PPM1H: variants seen among roughly 807,000 people sequenced by gnomAD.
The protein encoded by PPM1H is protein phosphatase 1H.
In PPM1H, 27 loss-of-function variants were observed where a neutral mutation model predicts 54.9. That is an observed-to-expected ratio of 0.49 (90% CI 0.36 to 0.68). The LOEUF (loss-of-function observed/expected upper bound fraction) is 0.68, where lower values mean the gene tolerates loss of function less well. Among genes scored for constraint, PPM1H ranks in the 30% least tolerant of loss-of-function variants. The probability of loss-of-function intolerance (pLI) is 0.00; values close to 1 mark genes in which losing one functional copy is unlikely to be tolerated. For synonymous variants in PPM1H, 305 were observed against 270.8 expected, an observed-to-expected ratio of 1.13 and a Z score of -1.24; for missense variants, 596 against 667.8, an observed-to-expected ratio of 0.89 and a Z score of 1.19.
chr12:62,933,314 T>G (rs1872208064), intron 1 of PPM1H, among the ~76,000 whole-genome samples: 1 of 152,050 alleles, frequency 6.6e-6, no homozygotes, highest in Non-Finnish European at 1.5e-5. Flanking sequence ...AAGCAGTCTC[T>G]CCCACCGGAA....
At chr12:62,699,687 TCTC>T (rs1182041697) in intron 6 of PPM1H, among the ~76,000 whole-genome samples, 1 of 152,154 alleles carries the variant, frequency 6.6e-6, no homozygotes, top group Non-Finnish European at 1.5e-5. Context: ...GGATTTCAAC[TCTC>T]CTGGAATAGC....
intron 6 of PPM1H, among the ~76,000 whole-genome samples, chr12:62,703,603 G>A (rs965944327): frequency 2.6e-5 from 4 of 152,006 alleles, no homozygotes; most frequent in Admixed American, 2.0e-4. Flanking sequence ...TTAAATCTCA[G>A]GAGGCCTGGG....
intron 3 of PPM1H, among the ~76,000 whole-genome samples, chr12:62,793,194 A>G (rs2076710399): frequency 6.6e-6 from 1 of 152,176 alleles, no homozygotes; most frequent in African/African-American, 2.4e-5. Flanking sequence ...GTCTAAAAGG[A>G]TCGATTAAAT....
intron 1 of PPM1H, among the ~76,000 whole-genome samples, chr12:62,869,976 T>C (rs1022639071): frequency 6.6e-6 from 1 of 152,258 alleles, no homozygotes; most frequent in East Asian, 1.9e-4. Flanking sequence ...AGCAGGACCA[T>C]GTTTAGATGC....
intron 1 of PPM1H, among the ~76,000 whole-genome samples, chr12:62,913,380 G>A (rs943333989): frequency 1.3e-5 from 2 of 152,140 alleles, no homozygotes; most frequent in Non-Finnish European, 2.9e-5. Flanking sequence ...GCACCTAGAA[G>A]GTCACTACAG....
intron 2 of PPM1H, among the ~76,000 whole-genome samples, chr12:62,805,917 A>G (rs1261938801): frequency 6.6e-6 from 1 of 152,220 alleles, no homozygotes; most frequent in African/African-American, 2.4e-5. Flanking sequence ...TGTGGCAGTC[A>G]TTTCACAATG....
chr12:62,883,955 A>C (rs1442313871), intron 1 of PPM1H, among the ~76,000 whole-genome samples: 1 of 149,686 alleles, frequency 6.7e-6, no homozygotes, highest in African/African-American at 2.5e-5. Context: ...ACAGCTTCGC[A>C]TGCACGTGAC....
At chr12:62,782,596 C>A (rs1316097603) in intron 4 of PPM1H, among the ~76,000 whole-genome samples, 1 of 152,134 alleles carries the variant, frequency 6.6e-6, no homozygotes, top group Non-Finnish European at 1.5e-5. Flanking sequence ...ATGAATGACA[C>A]ATTCGACTTT....
intron 1 of PPM1H, among the ~76,000 whole-genome samples, chr12:62,833,931 G>C (rs1449765874): frequency 6.6e-6 from 1 of 151,684 alleles, no homozygotes; most frequent in African/African-American, 2.4e-5. Flanking sequence ...ACTACTATTT[G>C]CAATTACTTA....
intron 1 of PPM1H, among the ~76,000 whole-genome samples, chr12:62,924,572 G>A (rs1313684571): frequency 6.6e-6 from 1 of 152,142 alleles, no homozygotes; most frequent in Non-Finnish European, 1.5e-5. Flanking sequence ...TCATCCACTG[G>A]TCTTATTTTT....
intron 6 of PPM1H, among the ~76,000 whole-genome samples, chr12:62,718,807 G>T (rs1386633819): frequency 1.3e-5 from 2 of 152,164 alleles, no homozygotes; most frequent in Admixed American, 6.5e-5. Flanking sequence ...CCCAGTCAGG[G>T]TTGGTATGAT....
chr12:62,695,503 A>T (rs2076109808), intron 6 of PPM1H, among the ~76,000 whole-genome samples: 1 of 152,176 alleles, frequency 6.6e-6, no homozygotes, highest in Non-Finnish European at 1.5e-5. Flanking sequence ...CTAGGAATTG[A>T]ATTTTCAAAA....
At chr12:62,753,824 C>T (rs750100698) in intron 4 of PPM1H, among the ~76,000 whole-genome samples, 30 of 152,176 alleles carry the variant, frequency 2.0e-4, no homozygotes, top group Admixed American at 7.2e-4. Context: ...GGGATCAGGG[C>T]GGGCTCCCAC....
chr12:62,732,281 A>T (rs2076325794), intron 5 of PPM1H, among the ~76,000 whole-genome samples: 1 of 152,172 alleles, frequency 6.6e-6, no homozygotes, highest in Non-Finnish European at 1.5e-5. Context: ...AGCCACATGA[A>T]GGGCCCTCTG....
At chr12:62,898,946 C>T (rs990749672) in intron 1 of PPM1H, among the ~76,000 whole-genome samples, 8 of 152,134 alleles carry the variant, frequency 5.3e-5, no homozygotes, top group African/African-American at 1.9e-4. Context: ...GGGAAGGCCA[C>T]TGAAAGGCTC....
chr12:62,801,417 A>C (rs937374108), intron 3 of PPM1H, among the ~76,000 whole-genome samples: 2 of 152,052 alleles, frequency 1.3e-5, no homozygotes, highest in Admixed American at 6.6e-5. Context: ...TCCCAGGATC[A>C]AACAATTCTC....
intron 1 of PPM1H, among the ~76,000 whole-genome samples, chr12:62,923,594 G>T (rs1871872902): frequency 6.6e-6 from 1 of 152,234 alleles, no homozygotes; most frequent in South Asian, 2.1e-4. Flanking sequence ...TAGTGACGAG[G>T]TTTCACCACA....
rs1225248619 is a variant in PPM1H at position 62,831,697 on chromosome 12, T to TTGTG, written c.411+413_411+416dup. On this transcript the variant is annotated intron_variant, in intron 2 of 9. Coordinates refer to ENST00000228705, the MANE Select transcript of PPM1H (RefSeq NM_020700.2). ...GTGGCTCCTTTGAAACCGTCAAACA[T>TTGTG]TGTGTGTGTATGTGTGTGTGTGTGT... Among the ~76,000 whole-genome samples, 536 of 149,572 alleles carry TTGTG rather than the reference T, an allele frequency of 3.6e-3. 5 individuals are homozygous for TTGTG. The highest frequency in any genetic ancestry group is 0.012 in the African/African-American group (469 of 40,104).
intron 4 of PPM1H, among the ~76,000 whole-genome samples, chr12:62,775,339 C>T (rs1478416590): frequency 6.6e-6 from 1 of 152,176 alleles, no homozygotes; most frequent in Non-Finnish European, 1.5e-5. Flanking sequence ...CAGGTGCCAC[C>T]TTGGGAAAAG....
Sources: allele counts gnomAD v4.1 joint callset (sites outside exome capture counted in the v4.1 genomes callset), GRCh38; gene constraint gnomAD v4.1.1; transcripts MANE v1.5; gene names NCBI Gene and HGNC (gene_info 2026-07-23, HGNC 2026-07-21).